ZNF502: variants seen among roughly 807,000 people sequenced by gnomAD.
The protein encoded by ZNF502 is zinc finger protein 502.
ZNF502 carries 29 observed loss-of-function variants against 43.6 expected under a neutral mutation model. The ratio of observed to expected loss-of-function variants is 0.67; its 90% CI spans 0.50 to 0.91. The LOEUF is 0.91. ZNF502 is among the 40% of genes least tolerant of loss of function. ZNF502 has a pLI of 0.00. For missense variants in ZNF502, 591 were observed against 647.2 expected (o/e 0.91, Z 0.94); for synonymous variants, 171 against 207.4 (o/e 0.82, Z 1.51).
Position 44,722,830 on chromosome 3 carries a change from A to G in ZNF502, c.*378A>G. On this transcript the variant is annotated 3_prime_UTR_variant, in exon 3 of 3. Coordinates refer to ENST00000436624, the MANE Select transcript of ZNF502 (RefSeq NM_001134442.3). ...GCAGGTTGAGATGTTTTTCTTAAACACTGCCTGTCAGTGTGAAGTGGCACA... is the reference window on the plus strand; with the variant it reads ...GCAGGTTGAGATGTTTTTCTTAAACGCTGCCTGTCAGTGTGAAGTGGCACA... The G allele has an allele frequency of 5.0e-6, 1 of 201,010 alleles. No homozygotes were observed. Among genetic ancestry groups the G allele is most frequent in the Non-Finnish European group, 1.0e-5 (1 of 96,894 alleles). The allele number at this position is 201,010 out of a possible 1,614,324, so 12.5% of individuals were successfully genotyped here. A position where few individuals can be genotyped will look rare whatever the true frequency, so the allele number is the denominator to read the frequency against.
Position 44,723,191 on chromosome 3 carries a change from G to A in ZNF502, c.*739G>A, listed in dbSNP as rs1382775085. On this transcript the variant is annotated 3_prime_UTR_variant, in exon 3 of 3. Coordinates refer to ENST00000436624, the MANE Select transcript of ZNF502 (RefSeq NM_001134442.3). ...AATTCATGATACTGGTTTATGGGGAGGCAGTCATACCTGTTCAGAGAACCA... is the reference window on the plus strand; with the variant it reads ...AATTCATGATACTGGTTTATGGGGAAGCAGTCATACCTGTTCAGAGAACCA... The A allele has an allele frequency of 6.6e-6, 1 of 152,038 alleles. No individual in the cohort carries two copies. The highest frequency in any genetic ancestry group is 2.4e-5 in the African/African-American group (1 of 41,402). 9.4% of individuals were successfully genotyped at this position (152,038 alleles called of 1,614,324 possible).
chr3:44,719,364 C>T (rs1704243031), intron 1 of ZNF502, among the ~76,000 whole-genome samples: 1 of 152,234 alleles, frequency 6.6e-6, no homozygotes, highest in Non-Finnish European at 1.5e-5. Flanking sequence ...CTTGAGCAGA[C>T]TTATTTTATT....
rs968962375 is a variant in ZNF502, at chr3:44,723,644, T to C, written c.*1192T>C. On this transcript the variant is annotated 3_prime_UTR_variant, in exon 3 of 3. Coordinates refer to ENST00000436624, the MANE Select transcript of ZNF502 (RefSeq NM_001134442.3). ...TACTGACTGTGACAGTGTTTTATTC[T>C]TTTGAGAGAAATGACATAGTTTTCC... The C allele has an allele frequency of 2.0e-5, 3 of 152,232 alleles. No individual in the cohort carries two copies. The highest frequency in any genetic ancestry group is 6.5e-5 in the Admixed American group (1 of 15,290). 9.4% of individuals were successfully genotyped at this position (152,232 alleles called of 1,614,324 possible). A position where few individuals can be genotyped will look rare whatever the true frequency, so the allele number is the denominator to read the frequency against.
At chr3:44,715,192 T>C (rs1388269289) in intron 1 of ZNF502, among the ~76,000 whole-genome samples, 1 of 152,234 alleles carries the variant, frequency 6.6e-6, no homozygotes, top group Non-Finnish European at 1.5e-5. Context: ...TTATTAACAA[T>C]AGTTTCTGTT....
rs6771160 is a variant in ZNF502, at chr3:44,712,685, C to G, written c.-115C>G. 68,090 of 152,274 alleles carry G rather than the reference C, an allele frequency of 0.45. 16,354 individuals carry two copies. The highest frequency in any genetic ancestry group is 0.83 in the East Asian group (4,305 of 5,182). 9.4% of individuals were successfully genotyped at this position (152,274 alleles called of 1,614,324 possible). A position where few individuals can be genotyped will look rare whatever the true frequency, so the allele number is the denominator to read the frequency against. On this transcript the variant is annotated 5_prime_UTR_variant, in exon 1 of 3. Transcript: ENST00000436624. ...AGAAGTTAAGGCTGGTGTCCTGGCC[C>G]CAGTCCACCTCTGGGAGCGCCTGCG...
At chr3:44,720,392 T>A in intron 2 of ZNF502, 76 bp downstream of exon 2, 2 of 1,458,632 alleles carry the variant, frequency 1.4e-6, no homozygotes, top group Non-Finnish European at 1.9e-6. Flanking sequence ...GAGGACAAGC[T>A]GGGTGAGGCT....
intron 1 of ZNF502, among the ~76,000 whole-genome samples, chr3:44,717,009 T>G (rs1406875948): frequency 6.6e-6 from 1 of 152,232 alleles, no homozygotes; most frequent in Non-Finnish European, 1.5e-5. Flanking sequence ...TTTCTTTGTA[T>G]TTTGGATATA....
rs76851521 is a variant in ZNF502 at position 44,718,901 on chromosome 3, A to G, written c.-59-1302A>G. On this transcript the variant is annotated intron_variant, in intron 1 of 2. Transcript: ENST00000436624. ...TCTCTGAGTCTCTGTAGGATTGTAT[A>G]GTAGCTTACAGGTTCCTTTATGTTC... 1.8e-3 allele frequency among the ~76,000 whole-genome samples: 273 copies of G among 152,024 alleles called. 2 individuals carry two copies. Among genetic ancestry groups the G allele is most frequent in the African/African-American group, 6.4e-3 (267 of 41,468 alleles).
Position 44,722,138 on chromosome 3 carries a change from G to T in ZNF502, c.1321G>T (p.Gly441Ter). The T allele has an allele frequency of 6.2e-7, 1 of 1,614,180 alleles. No homozygotes were observed. Among genetic ancestry groups the T allele is most frequent in the South Asian group, 1.1e-5 (1 of 91,086 alleles). The change falls in exon 3 of 3, where the codon GGA becomes TGA. Residue 441 changes from glycine to a stop codon, truncating the protein, a stop_gained. Coordinates refer to ENST00000436624, the MANE Select transcript of ZNF502 (RefSeq NM_001134442.3). LOFTEE classifies it high-confidence loss of function. ...AAAACCCTATAAATGCAATGAATGT[G>T]GAAAGGGCTTTAATCAGAACACCTG... ...GEKPYKCNEC[G>*]KGFNQNTCLT...
intron 1 of ZNF502, among the ~76,000 whole-genome samples, chr3:44,718,214 T>C (rs1230372275): frequency 1.3e-5 from 2 of 152,160 alleles, no homozygotes; most frequent in Non-Finnish European, 2.9e-5. Flanking sequence ...CAAAACTGCC[T>C]AATTATCCTT....
intron 1 of ZNF502, among the ~76,000 whole-genome samples, chr3:44,718,354 C>T (rs1483743881): frequency 6.6e-6 from 1 of 152,160 alleles, no homozygotes; most frequent in African/African-American, 2.4e-5. Context: ...CCTTGCCCTC[C>T]CACTCCTCAC....
intron 1 of ZNF502, among the ~76,000 whole-genome samples, chr3:44,714,202 T>A (rs984781766): frequency 2.0e-5 from 3 of 152,202 alleles, no homozygotes; most frequent in Admixed American, 6.5e-5. Context: ...GCCAGCTCTC[T>A]AATAGGTTAG....
rs149761315 is a variant in ZNF502 at position 44,721,978 on chromosome 3, G to A, written c.1161G>A (p.Ala387=). ...ATAAGTGTAAAGAATGTGGCAAAGC[G>A]TTTACTCAGAGCACCCCACTCACTA... is the stretch of plus-strand genomic sequence containing the variant. The part of the protein sequence containing the change: ...KPYKCKECGK[A]FTQSTPLTKH... Residue 387 remains alanine (A), a synonymous_variant, in exon 3 of 3, where the codon GCG becomes GCA. Transcript: ENST00000436624. 130 of 1,613,898 alleles carry A rather than the reference G, an allele frequency of 8.1e-5. No individual in the cohort carries two copies. The highest frequency in any genetic ancestry group is 3.3e-4 in the Middle Eastern group (2 of 6,084).
intron 1 of ZNF502, among the ~76,000 whole-genome samples, chr3:44,719,855 T>G (rs77141819): frequency 0.013 from 1,940 of 152,342 alleles, 46 homozygotes; most frequent in African/African-American, 0.043. Flanking sequence ...TCATATAGAT[T>G]ATTGTATGAT....
rs1267834658 is a variant in ZNF502 at position 44,722,596 on chromosome 3, G to A, written c.*144G>A. 2 of 1,140,976 alleles carry A rather than the reference G, an allele frequency of 1.8e-6. No homozygotes were observed. Among genetic ancestry groups the A allele is most frequent in the East Asian group, 2.4e-5 (1 of 41,740 alleles). 70.7% of individuals were successfully genotyped at this position (1,140,976 alleles called of 1,614,324 possible). On this transcript the variant is annotated 3_prime_UTR_variant, in exon 3 of 3. Coordinates refer to ENST00000436624, the MANE Select transcript of ZNF502 (RefSeq NM_001134442.3). The stretch of plus-strand genomic sequence containing the variant: ...TGAGAGGAATGTTTCCAGAAATGGA[G>A]GTGGGAGCTTAGGGAATGCAGAGCC...
At chr3:44,717,557 A>G (rs1704180566) in intron 1 of ZNF502, among the ~76,000 whole-genome samples, 2 of 151,884 alleles carry the variant, frequency 1.3e-5, no homozygotes, top group South Asian at 4.2e-4. Flanking sequence ...GATTACAGGC[A>G]TGTGCCACCA....
chr3:44,721,105 AATT>A lies in ZNF502; in HGVS notation c.293_295del (p.Ile98del). 6.2e-7 allele frequency: 1 copy of A among 1,614,166 alleles called. No homozygotes were observed. The highest frequency in any genetic ancestry group is 8.5e-7 in the Non-Finnish European group (1 of 1,180,016). Reference sequence around the variant, plus strand: ...TCATCCACAAAGAAGCACCCCCTGAAATTATTAGTCAAGGATATAATTTTGAGA... The same window carrying A: ...TCATCCACAAAGAAGCACCCCCTGAAATTAGTCAAGGATATAATTTTGAGA... On this transcript the variant is annotated inframe_deletion, in exon 3 of 3. Coordinates refer to ENST00000436624, the MANE Select transcript of ZNF502 (RefSeq NM_001134442.3).
In ZNF502 at chr3:44,721,712, G is replaced by A; in HGVS notation, c.895G>A (p.Glu299Lys). The A allele has an allele frequency of 6.2e-7, 1 of 1,613,256 alleles. No homozygotes were observed. The highest frequency in any genetic ancestry group is 8.5e-7 in the Non-Finnish European group (1 of 1,179,366). Residue 299 changes from glutamate to lysine, a missense_variant, in exon 3 of 3, where the codon GAA becomes AAA. Physicochemically the swap from Glu to Lys is moderately conservative, Grantham distance 56 (BLOSUM62 1). Transcript: ENST00000436624. ...HTGEKPYICS[E>K]CGSSFRKHSN... Reference sequence around the variant, plus strand: ...TGGTGAGAAGCCTTACATATGCAGTGAATGTGGCTCTTCTTTTCGAAAACA... The same window carrying A: ...TGGTGAGAAGCCTTACATATGCAGTAAATGTGGCTCTTCTTTTCGAAAACA...
chr3:44,722,479 C>G lies in ZNF502; in HGVS notation c.*27C>G. Reference sequence around the variant, plus strand: ...GCTGCCATTTAGGTTATGACAGTTTCTCTAGCGAGGATGACTACGAATCTG... The same window carrying G: ...GCTGCCATTTAGGTTATGACAGTTTGTCTAGCGAGGATGACTACGAATCTG... On this transcript the variant is annotated 3_prime_UTR_variant, in exon 3 of 3. Coordinates refer to ENST00000436624, the MANE Select transcript of ZNF502 (RefSeq NM_001134442.3). 1 of 1,580,154 alleles carries G rather than the reference C, an allele frequency of 6.3e-7. No individual in the cohort carries two copies. The highest frequency in any genetic ancestry group is 8.6e-7 in the Non-Finnish European group (1 of 1,166,122).
Sources: gnomAD v4.1 joint callset for allele counts (sites outside exome capture counted in the v4.1 genomes callset) on GRCh38, gnomAD v4.1.1 for gene constraint, MANE v1.5 for transcripts, NCBI Gene and HGNC (gene_info 2026-07-23, HGNC 2026-07-21) for gene names.